The following CUL4A variants were observed in gnomAD, a reference collection of about 807,000 sequenced individuals.
The protein encoded by CUL4A is cullin 4A.
CUL4A carries 16 observed loss-of-function variants against 95.5 expected under a neutral mutation model. The observed-to-expected ratio is 0.17, with a 90% CI of 0.11 to 0.25. The LOEUF (loss-of-function observed/expected upper bound fraction) is 0.25. Ranked by LOEUF, CUL4A falls within the 10% of genes least tolerant of loss-of-function variation. The pLI is 1.00. For missense variants in CUL4A, 610 were observed against 937.0 expected (o/e 0.65, Z 4.56); for synonymous variants, 380 against 353.1 (o/e 1.08, Z -0.85).
intron 9 of CUL4A, among the ~76,000 whole-genome samples, chr13:113,238,949 T>G (rs2139214467): frequency 6.6e-6 from 1 of 152,360 alleles, no homozygotes; most frequent in African/African-American, 2.4e-5. Flanking sequence ...TCTAAAACAC[T>G]GAAAGCTTTT....
chr13:113,237,222 C>T (rs778554155), intron 9 of CUL4A, among the ~76,000 whole-genome samples: 6 of 152,194 alleles, frequency 3.9e-5, no homozygotes, highest in Non-Finnish European at 5.9e-5. Flanking sequence ...CTGTGTCCGG[C>T]CGTTCTTCAT....
intron 16 of CUL4A, 149 bp downstream of exon 16, chr13:113,253,344 GTTA>G (rs1029848168): frequency 1.7e-4 from 67 of 399,298 alleles, no homozygotes; most frequent in Non-Finnish European, 2.6e-4. Flanking sequence ...CAGTTAAAGG[GTTA>G]TTATTCCAAT....
At chr13:113,241,673 C>G (rs1013618616) in intron 10 of CUL4A, among the ~76,000 whole-genome samples, 3 of 152,066 alleles carry the variant, frequency 2.0e-5, no homozygotes, top group African/African-American at 7.2e-5. Context: ...GCCACCACAC[C>G]TGGCCAATTT....
intron 2 of CUL4A, among the ~76,000 whole-genome samples, chr13:113,218,300 T>G (rs2040769584): frequency 6.6e-6 from 1 of 152,086 alleles, no homozygotes; most frequent in South Asian, 2.1e-4. Flanking sequence ...AGTTTATTAA[T>G]TAAACAAACT....
At chr13:113,218,463 G>A (rs2139107557) in intron 2 of CUL4A, among the ~76,000 whole-genome samples, 1 of 152,296 alleles carries the variant, frequency 6.6e-6, no homozygotes, top group South Asian at 2.1e-4. Context: ...CTGATGGGAA[G>A]GTGGTCACTG....
At chr13:113,256,394 G>A (rs2139289705) in intron 18 of CUL4A, among the ~76,000 whole-genome samples, 1 of 152,256 alleles carries the variant, frequency 6.6e-6, no homozygotes, top group South Asian at 2.1e-4. Context: ...ACATTTCTGT[G>A]CACTTGTTAG....
chr13:113,208,664 C>T (rs1216123754), upstream of CUL4A: 4 of 1,598,060 alleles, frequency 2.5e-6, no homozygotes, highest in Non-Finnish European at 2.6e-6. Flanking sequence ...GAGCGCCACC[C>T]CCTACGCCTC....
At chr13:113,216,242 C>T (rs551215122) in intron 2 of CUL4A, among the ~76,000 whole-genome samples, 27 of 152,352 alleles carry the variant, frequency 1.8e-4, no homozygotes, top group Admixed American at 7.2e-4. Flanking sequence ...CCATGGCCTT[C>T]CTTGTTCTGT....
rs148277696 is a variant in CUL4A at position 113,230,885 on chromosome 13, G to A, written c.512+1366G>A. ...TCCTGGGCTCAAGTGATCTTCCTGC[G>A]TTGGCCTCCCCTGTAGCTGGGACTA... On this transcript the variant is annotated intron_variant, in intron 5 of 19. Coordinates refer to ENST00000375440, the MANE Select transcript of CUL4A (RefSeq NM_001008895.4). Among the ~76,000 whole-genome samples the A allele has an allele frequency of 8.4e-3, 1,281 of 152,068 alleles. 23 individuals carry two copies. Among genetic ancestry groups the A allele is most frequent in the African/African-American group, 0.03 (1,223 of 41,448 alleles).
chr13:113,220,168 C>T (rs549558859), intron 3 of CUL4A, among the ~76,000 whole-genome samples: 1 of 152,322 alleles, frequency 6.6e-6, no homozygotes, highest in South Asian at 2.1e-4. Flanking sequence ...TTGGAAGGGT[C>T]CTCAGGGAAT....
chr13:113,235,654 C>T (rs2041513306), intron 8 of CUL4A, among the ~76,000 whole-genome samples: 1 of 152,196 alleles, frequency 6.6e-6, no homozygotes, highest in African/African-American at 2.4e-5. Context: ...GCAGAGGGGA[C>T]AGCAAGGGAG....
chr13:113,250,591 A>G (rs988795949), intron 15 of CUL4A, among the ~76,000 whole-genome samples: 6 of 152,198 alleles, frequency 3.9e-5, no homozygotes, highest in African/African-American at 7.2e-5. Context: ...TAGCATTATG[A>G]TGATAATTAT....
In CUL4A at chr13:113,221,775, A is replaced by G. The variant is rs968145068; in HGVS notation, c.368+2727A>G. Among the ~76,000 whole-genome samples the G allele has an allele frequency of 3.3e-5, 5 of 152,000 alleles. 1 individual carries two copies. ...GTATTTTTAGTAGAGACGGGGTTTCACCACATTGGCCAGGCTGGTCTCGAA... is the reference window on the plus strand; with the variant it reads ...GTATTTTTAGTAGAGACGGGGTTTCGCCACATTGGCCAGGCTGGTCTCGAA... On this transcript the variant is annotated intron_variant, in intron 3 of 19. Transcript: ENST00000375440.
upstream of CUL4A, chr13:113,208,634 T>A (rs138409614): frequency 3.1e-6 from 5 of 1,606,924 alleles, no homozygotes; most frequent in South Asian, 2.2e-5. Context: ...ATGTGCGCCA[T>A]GGGAGCGCCG....
At chr13:113,252,335 A>G (rs1275137504) in intron 15 of CUL4A, among the ~76,000 whole-genome samples, 1 of 152,152 alleles carries the variant, frequency 6.6e-6, no homozygotes, top group African/African-American at 2.4e-5. Flanking sequence ...CAGGATTTCA[A>G]GACCAGCCTG....
chr13:113,218,108 G>A (rs1397164785), intron 2 of CUL4A, among the ~76,000 whole-genome samples: 4 of 152,112 alleles, frequency 2.6e-5, no homozygotes, highest in Admixed American at 2.6e-4. Context: ...CGTGGTGGCA[G>A]GTGCCTATAA....
At chr13:113,223,463 T>C (rs2040978484) in intron 3 of CUL4A, among the ~76,000 whole-genome samples, 1 of 152,194 alleles carries the variant, frequency 6.6e-6, no homozygotes, top group Admixed American at 6.5e-5. Flanking sequence ...TGGCGCAATC[T>C]TGGCTCACCG....
At chr13:113,232,154 G>GTCACCACTACCCGCCCACCACCATTA (rs1566343441) in intron 5 of CUL4A, among the ~76,000 whole-genome samples, 9 of 15,770 alleles carry the variant, frequency 5.7e-4, no homozygotes, top group East Asian at 1.4e-3. Flanking sequence ...CACCATTACT[G>GTCACCACTACCCGCCCACCACCATTA]CTGCCACCAC....
At chr13:113,215,257 GTGGAGGTTGCTGTGTGACTA>G (rs2040610576) in intron 2 of CUL4A, among the ~76,000 whole-genome samples, 1 of 146,884 alleles carries the variant, frequency 6.8e-6, no homozygotes, top group Non-Finnish European at 1.5e-5. Context: ...CTGTGTGACT[GTGGAGGTTGCTGTGTGACTA>G]TGGAGGTCGC....
Sources: gnomAD v4.1 joint callset for allele counts (sites outside exome capture counted in the v4.1 genomes callset) on GRCh38, gnomAD v4.1.1 for gene constraint, MANE v1.5 for transcripts, NCBI Gene and HGNC (gene_info 2026-07-23, HGNC 2026-07-21) for gene names.